Variants in ERBB4 observed in about 807,000 individuals in gnomAD.
ERBB4 encodes receptor tyrosine-protein kinase erbB-4.
In ERBB4, 42 loss-of-function variants were observed where a neutral mutation model predicts 158.0. That is an observed-to-expected ratio of 0.27 (90% CI 0.21 to 0.34). ERBB4 has a LOEUF of 0.34. Ranked by LOEUF, ERBB4 falls within the 10% of genes least tolerant of loss-of-function variation. The pLI is 1.00. For missense variants in ERBB4, 1,333 were observed against 1,624.1 expected (o/e 0.82, Z 3.08); for synonymous variants, 583 against 558.7 (o/e 1.04, Z -0.61).
At chr2:211,913,558 G>A (rs887617400) in intron 3 of ERBB4, among the ~76,000 whole-genome samples, 9 of 151,530 alleles carry the variant, frequency 5.9e-5, no homozygotes, top group African/African-American at 2.2e-4. Flanking sequence ...CCAAGACCAT[G>A]GCACTGCACT....
At chr2:211,557,051 T>G (rs536118896) in intron 20 of ERBB4, among the ~76,000 whole-genome samples, 34 of 152,208 alleles carry the variant, frequency 2.2e-4, no homozygotes, top group Non-Finnish European at 4.3e-4. Context: ...TAATAACAAC[T>G]GCCTAGCCAT....
intron 1 of ERBB4, among the ~76,000 whole-genome samples, chr2:212,237,914 G>A (rs1228219811): frequency 2.6e-5 from 4 of 152,058 alleles, no homozygotes; most frequent in Non-Finnish European, 5.9e-5. Flanking sequence ...CAGTAATAGC[G>A]GACGCCCCTC....
intron 19 of ERBB4, among the ~76,000 whole-genome samples, chr2:211,589,176 A>G (rs7561282): frequency 0.75 from 113,928 of 152,032 alleles, 44,622 homozygotes; most frequent in East Asian, 0.89. Flanking sequence ...AGTTTGTCCA[A>G]TCTTAACATA....
At chr2:211,991,661 T>C (rs1017810126) in intron 2 of ERBB4, among the ~76,000 whole-genome samples, 6 of 152,184 alleles carry the variant, frequency 3.9e-5, no homozygotes, top group Non-Finnish European at 7.3e-5. Flanking sequence ...TAATTACACT[T>C]GGCCTACCTA....
At chr2:212,447,180 G>A (rs1426563895) in intron 1 of ERBB4, among the ~76,000 whole-genome samples, 1 of 151,700 alleles carries the variant, frequency 6.6e-6, no homozygotes, top group African/African-American at 2.4e-5. Context: ...GTATTTTTTA[G>A]TAGAGACGGG....
chr2:212,450,776 G>A (rs752891349), intron 1 of ERBB4, among the ~76,000 whole-genome samples: 13 of 144,774 alleles, frequency 9.0e-5, no homozygotes, highest in South Asian at 2.2e-4. Context: ...GAATTTTGTC[G>A]ATAATGACTC....
intron 2 of ERBB4, among the ~76,000 whole-genome samples, chr2:212,069,425 C>T (rs537922246): frequency 1.7e-4 from 26 of 152,004 alleles, no homozygotes; most frequent in African/African-American, 5.1e-4. Context: ...CAACCTGAAA[C>T]GGACATCTAT....
At chr2:211,934,048 C>T (rs954577256) in intron 3 of ERBB4, among the ~76,000 whole-genome samples, 11 of 151,964 alleles carry the variant, frequency 7.2e-5, no homozygotes, top group African/African-American at 9.7e-5. Context: ...GAATTACATG[C>T]GTTTCAATAA....
rs1559437284 is a variant in ERBB4, at chr2:212,069,978, A to T, written c.234+54774T>A. On this transcript the variant is annotated intron_variant, in intron 2 of 27. Coordinates refer to ENST00000342788, the MANE Select transcript of ERBB4 (RefSeq NM_005235.3). ...AAAAAAAAGAAAAAAGAAAAAAGCC[A>T]AGCACAGTGGCATGTGTCTGTAGTC... Among the ~76,000 whole-genome samples the T allele has an allele frequency of 6.9e-5, 7 of 101,022 alleles. No homozygotes were observed. In the South Asian group the frequency reaches 2.9e-3, roughly 41 times the overall value. The allele number at this position is 101,022 out of a possible 152,430, so 66.3% of individuals were successfully genotyped here. A position where few individuals can be genotyped will look rare whatever the true frequency, so the allele number is the denominator to read the frequency against.
At chr2:211,527,184 A>G (rs1054505843) in intron 20 of ERBB4, among the ~76,000 whole-genome samples, 2 of 152,130 alleles carry the variant, frequency 1.3e-5, no homozygotes, top group African/African-American at 4.8e-5. Context: ...TAAAGAAATA[A>G]TTCTAAAAGC....
chr2:212,300,475 T>C (rs2086578683), intron 1 of ERBB4, among the ~76,000 whole-genome samples: 1 of 151,558 alleles, frequency 6.6e-6, no homozygotes, highest in South Asian at 2.1e-4. Context: ...TTAAGTAGAG[T>C]AGTACGTCTG....
In ERBB4 at chr2:211,688,057, C is replaced by T. The variant is rs1179774167; in HGVS notation, c.1490-8873G>A. 3.3e-5 allele frequency among the ~76,000 whole-genome samples: 5 copies of T among 152,290 alleles called. 1 individual carries two copies. The highest frequency in any genetic ancestry group is 4.1e-4 in the South Asian group (2 of 4,824). ...TTACCTTTGAGCTATTATCATACAT[C>T]TTACTTTCCCATGTTATTCACTCCA... On this transcript the variant is annotated intron_variant, in intron 12 of 27. Coordinates refer to ENST00000342788, the MANE Select transcript of ERBB4 (RefSeq NM_005235.3).
intron 3 of ERBB4, among the ~76,000 whole-genome samples, chr2:211,921,577 A>G (rs1186230983): frequency 3.3e-5 from 5 of 152,126 alleles, no homozygotes; most frequent in Admixed American, 6.6e-5. Context: ...TCTCTTAGAC[A>G]AAGATTCTAG....
In ERBB4 at chr2:211,630,566, C is replaced by A. The variant is rs145978648; in HGVS notation, c.1975G>T (p.Gly659Cys). The A allele has an allele frequency of 2.6e-5, 42 of 1,613,054 alleles. No individual in the cohort carries two copies. The African/African-American group carries it at 5.4e-4, about 21-fold the overall frequency. ...RTPLIAAGVIGGLFILVIVGL... is the reference protein window; with the variant it reads ...RTPLIAAGVICGLFILVIVGL... ...ACAATGACCAGAATGAAGAGCCCAC[C>A]AATTACTCCAGCTGCAATCAGGGGA... is the stretch of plus-strand genomic sequence containing the variant. The change falls in exon 17 of 28, where the codon GGT (glycine) becomes TGT (cysteine). Residue 659 changes from glycine (G) to cysteine (C), a missense_variant. By Grantham distance (159) the Gly-to-Cys change is radical. Transcript: ENST00000342788.
intron 20 of ERBB4, among the ~76,000 whole-genome samples, chr2:211,523,784 G>T (rs2066256755): frequency 6.6e-6 from 1 of 152,070 alleles, no homozygotes; most frequent in Non-Finnish European, 1.5e-5. Context: ...CTTCCACAGT[G>T]TGGAAGGGGA....
At chr2:211,410,237 A>G (rs775778524) in intron 25 of ERBB4, among the ~76,000 whole-genome samples, 1 of 152,222 alleles carries the variant, frequency 6.6e-6, no homozygotes, top group East Asian at 1.9e-4. Context: ...TTAAATGTAT[A>G]TATATACACA....
chr2:211,421,705 A>G (rs945491086), intron 24 of ERBB4, among the ~76,000 whole-genome samples: 2 of 151,652 alleles, frequency 1.3e-5, no homozygotes, highest in Non-Finnish European at 3.0e-5. Flanking sequence ...TGACTTACAC[A>G]TAATGTTAAT....
rs768230601 is a variant in ERBB4 at position 212,310,637 on chromosome 2, GTGTGTGTA to G, written c.83-185742_83-185735del. On this transcript the variant is annotated intron_variant, in intron 1 of 27. Coordinates refer to ENST00000342788, the MANE Select transcript of ERBB4 (RefSeq NM_005235.3). ...TGTGTGTGTGTGTGTGTGTGTGTGT[GTGTGTGTA>G]TATATATATATTCCAGAAGTTTATA... Among the ~76,000 whole-genome samples, 945 of 138,664 alleles carry G rather than the reference GTGTGTGTA, an allele frequency of 6.8e-3. 5 individuals are homozygous for G. The highest frequency in any genetic ancestry group is 0.019 in the Middle Eastern group (5 of 260). The allele number at this position is 138,664 out of a possible 152,430, so 91.0% of individuals were successfully genotyped here. A position where few individuals can be genotyped will look rare whatever the true frequency, so the allele number is the denominator to read the frequency against.
At chr2:211,952,824 T>C (rs2080910946) in intron 2 of ERBB4, among the ~76,000 whole-genome samples, 1 of 152,036 alleles carries the variant, frequency 6.6e-6, no homozygotes, top group African/African-American at 2.4e-5. Flanking sequence ...GTATTACAAA[T>C]ATTATCTCTG....
Sources: gnomAD v4.1 joint callset for allele counts (sites outside exome capture counted in the v4.1 genomes callset) on GRCh38, gnomAD v4.1.1 for gene constraint, MANE v1.5 for transcripts, NCBI Gene and HGNC (gene_info 2026-07-23, HGNC 2026-07-21) for gene names.